The following PTPRM variants were observed in gnomAD, a reference collection of about 807,000 sequenced individuals.
The protein encoded by PTPRM is receptor-type tyrosine-protein phosphatase mu.
Under a neutral mutation model 186.7 loss-of-function variants are expected in PTPRM, and 47 were observed. That is an observed-to-expected ratio of 0.25 (90% CI 0.20 to 0.32). The LOEUF is 0.32. Among genes scored for constraint, PTPRM ranks in the 10% least tolerant of loss-of-function variants. The pLI, the probability that PTPRM is intolerant of heterozygous loss-of-function variation, is 1.00. For missense variants in PTPRM, 1,494 were observed against 1,865.0 expected (o/e 0.80, Z 3.66); for synonymous variants, 668 against 674.9 (o/e 0.99, Z 0.16).
intron 1 of PTPRM, among the ~76,000 whole-genome samples, chr18:7,579,064 G>A (rs913354740): frequency 2.0e-5 from 3 of 152,188 alleles, no homozygotes; most frequent in African/African-American, 7.2e-5. Flanking sequence ...TGACATAGAA[G>A]TATGTGTATG....
At chr18:7,867,281 T>A (rs978960992) in intron 2 of PTPRM, among the ~76,000 whole-genome samples, 1 of 152,218 alleles carries the variant, frequency 6.6e-6, no homozygotes, top group Non-Finnish European at 1.5e-5. Flanking sequence ...TAATGCAATT[T>A]CTTCATAGTG....
At chr18:7,623,217 T>TA (rs1433089064) in intron 1 of PTPRM, among the ~76,000 whole-genome samples, 1 of 152,210 alleles carries the variant, frequency 6.6e-6, no homozygotes, top group Non-Finnish European at 1.5e-5. Context: ...GTGTAAATCT[T>TA]ACCTTTTTTT....
At chr18:7,847,318 C>T (rs1361504987) in intron 2 of PTPRM, among the ~76,000 whole-genome samples, 7 of 151,820 alleles carry the variant, frequency 4.6e-5, no homozygotes, top group Non-Finnish European at 7.4e-5. Context: ...AGGCATGTGC[C>T]ACCACACCTG....
chr18:8,104,411 T>TG (rs1248544219), intron 11 of PTPRM, among the ~76,000 whole-genome samples: 2 of 151,892 alleles, frequency 1.3e-5, no homozygotes, highest in Admixed American at 1.3e-4. Context: ...CTTGTTATTA[T>TG]TTTTAAGCTG....
chr18:7,636,822 G>T (rs2038325397), intron 1 of PTPRM, among the ~76,000 whole-genome samples: 1 of 152,150 alleles, frequency 6.6e-6, no homozygotes. Context: ...GAAAGCAACA[G>T]GCATAGTAAT....
intron 2 of PTPRM, among the ~76,000 whole-genome samples, chr18:7,841,034 A>C: frequency 6.6e-6 from 1 of 152,184 alleles, no homozygotes; most frequent in East Asian, 1.9e-4. Flanking sequence ...TCATTATTTT[A>C]TAGTCACATA....
At chr18:7,806,570 G>A (rs1473930394) in intron 2 of PTPRM, among the ~76,000 whole-genome samples, 3 of 152,132 alleles carry the variant, frequency 2.0e-5, no homozygotes, top group African/African-American at 4.8e-5. Flanking sequence ...AGCAAAAAGG[G>A]CATCATTGTC....
At chr18:7,859,003 G>A (rs1434229674) in intron 2 of PTPRM, among the ~76,000 whole-genome samples, 1 of 152,170 alleles carries the variant, frequency 6.6e-6, no homozygotes, top group Non-Finnish European at 1.5e-5. Flanking sequence ...GAGTTCCTGA[G>A]GCAGTCAGTG....
At chr18:8,394,046 C>G (rs1245822420) in intron 31 of PTPRM, among the ~76,000 whole-genome samples, 1 of 152,208 alleles carries the variant, frequency 6.6e-6, no homozygotes, top group Admixed American at 6.5e-5. Context: ...CCCACCTTGG[C>G]CTCCCAAAGT....
intron 2 of PTPRM, 24 bp from the exon 3 acceptor site, chr18:7,888,082 C>G (rs746665436): frequency 6.2e-7 from 1 of 1,614,050 alleles, no homozygotes; most frequent in Non-Finnish European, 8.5e-7. Context: ...CAGGGTATGA[C>G]TCTCCTTGAT....
At chr18:8,370,691 G>A (rs73939458) in intron 23 of PTPRM, among the ~76,000 whole-genome samples, 199 bp from the exon 24 acceptor site, 6 of 152,124 alleles carry the variant, frequency 3.9e-5, no homozygotes, top group East Asian at 1.9e-4. Context: ...CAGGTTTTAC[G>A]TCTCCCATAA....
chr18:8,277,280 G>T (rs2094847712), intron 19 of PTPRM, among the ~76,000 whole-genome samples: 1 of 152,144 alleles, frequency 6.6e-6, no homozygotes, highest in Admixed American at 6.6e-5. Context: ...TGAGGTTATT[G>T]ATGGTGCAAC....
At position 7,656,336 on chromosome 18, in the gene PTPRM, T is replaced by C. The variant is rs908479052; in HGVS notation, c.73+88445T>C. On this transcript the variant is annotated intron_variant, in intron 1 of 32. Coordinates refer to ENST00000580170, the MANE Select transcript of PTPRM (RefSeq NM_001105244.2). ...TGATCACAGAAAGACAAATTCCAAA[T>C]AATTTCACTTTTATCAGGCATCAAG... 4.6e-5 allele frequency among the ~76,000 whole-genome samples: 7 copies of C among 152,148 alleles called. No homozygotes were observed. In the East Asian group the frequency reaches 1.2e-3, roughly 25 times the overall value.
intron 15 of PTPRM, among the ~76,000 whole-genome samples, chr18:8,245,064 G>C (rs1311750943): frequency 6.6e-6 from 1 of 152,226 alleles, no homozygotes; most frequent in Non-Finnish European, 1.5e-5. Flanking sequence ...CCTTGTGGCT[G>C]TGAGGAGCAC....
chr18:8,019,964 T>A (rs2085108324), intron 7 of PTPRM, among the ~76,000 whole-genome samples: 1 of 151,888 alleles, frequency 6.6e-6, no homozygotes, highest in Non-Finnish European at 1.5e-5. Context: ...CATCATTAAA[T>A]TTTAAAAAGG....
At chr18:8,339,562 T>C (rs1369276776) in intron 22 of PTPRM, among the ~76,000 whole-genome samples, 1 of 152,170 alleles carries the variant, frequency 6.6e-6, no homozygotes. Flanking sequence ...GTTTGTTTGT[T>C]TGTCCACTCT....
At chr18:7,882,857 G>A (rs1389608756) in intron 2 of PTPRM, among the ~76,000 whole-genome samples, 1 of 152,144 alleles carries the variant, frequency 6.6e-6, no homozygotes, top group Non-Finnish European at 1.5e-5. Flanking sequence ...GAATAATTCT[G>A]TGCAGTTATT....
At chr18:8,404,294 T>C (rs1427863500) in intron 32 of PTPRM, 2 of 152,248 alleles carry the variant, frequency 1.3e-5, no homozygotes, top group Admixed American at 6.5e-5. Context: ...GTGATTGAAA[T>C]GATCTTCTTG....
At chr18:7,594,259 T>A (rs1392964722) in intron 1 of PTPRM, among the ~76,000 whole-genome samples, 1 of 152,120 alleles carries the variant, frequency 6.6e-6, no homozygotes, top group East Asian at 1.9e-4. Flanking sequence ...TTTGGGTGGA[T>A]CACCTGAAGT....
Sources: gnomAD v4.1 joint callset for allele counts (sites outside exome capture counted in the v4.1 genomes callset) on GRCh38, gnomAD v4.1.1 for gene constraint, MANE v1.5 for transcripts, NCBI Gene and HGNC (gene_info 2026-07-23, HGNC 2026-07-21) for gene names.